CEP83: variants seen among roughly 807,000 people sequenced by gnomAD.
CEP83 encodes the protein centrosomal protein of 83 kDa.
CEP83 carries 70 observed loss-of-function variants against 101.9 expected under a neutral mutation model. That is an observed-to-expected ratio of 0.69 (90% confidence interval 0.57 to 0.84). CEP83 has a LOEUF of 0.84. Among genes scored for constraint, CEP83 ranks in the 40% least tolerant of loss-of-function variants. The pLI, the probability that CEP83 is intolerant of heterozygous loss-of-function variation, is 0.00. For missense variants in CEP83, 715 were observed against 787.2 expected (o/e 0.91, Z 1.10); for synonymous variants, 264 against 267.9 (o/e 0.99, Z 0.14).
intron 14 of CEP83, among the ~76,000 whole-genome samples, chr12:94,317,152 T>A (rs1970839036): frequency 6.6e-6 from 1 of 152,224 alleles, no homozygotes; most frequent in Non-Finnish European, 1.5e-5. Context: ...TGGTTTTGAT[T>A]TGCATTTCTC....
chr12:94,400,892 A>G lies in CEP83; in HGVS notation c.507T>C (p.Tyr169=). Residue 169 remains tyrosine, a synonymous_variant, in exon 6 of 17, where the codon TAT becomes TAC. Coordinates refer to ENST00000397809, the MANE Select transcript of CEP83 (RefSeq NM_016122.3). ...TTTTTCCTTCATCTAAAATACGTGC[A>G]TACTCTTCCTTCTGGTGTTCAAATT... ...KSEFEHQKEE[Y]ARILDEGKIK... 6.6e-7 allele frequency: 1 copy of G among 1,511,384 alleles called. No homozygotes were observed. The highest frequency in any genetic ancestry group is 8.9e-7 in the Non-Finnish European group (1 of 1,127,386). The allele number at this position is 1,511,384 out of a possible 1,614,324, so 93.6% of individuals were successfully genotyped here.
In CEP83 at chr12:94,327,898, C is replaced by G. The variant is rs182619063; in HGVS notation, c.1707+3802G>C. ...AACTTTAGAGTCCACATAAATCACC[C>G]AGGAGTGACTAGTGGGATTATTTAG... On this transcript the variant is annotated intron_variant, in intron 14 of 16. Transcript: ENST00000397809. Among the ~76,000 whole-genome samples, 234 of 152,276 alleles carry G rather than the reference C, an allele frequency of 1.5e-3. 2 individuals carry two copies. The highest frequency in any genetic ancestry group is 1.1e-3 in the Non-Finnish European group (75 of 68,022).
At chr12:94,406,978 T>A (rs2063580554) in intron 4 of CEP83, among the ~76,000 whole-genome samples, 1 of 148,530 alleles carries the variant, frequency 6.7e-6, no homozygotes, top group African/African-American at 2.5e-5. Flanking sequence ...AAACTACAAT[T>A]TCTGAGATGA....
intron 2 of CEP83, among the ~76,000 whole-genome samples, chr12:94,414,121 A>T (rs762836053): frequency 9.2e-5 from 14 of 152,278 alleles, no homozygotes; most frequent in Admixed American, 3.9e-4. Flanking sequence ...CCTCAAGAAC[A>T]CTATACTCCT....
chr12:94,336,337 A>C (rs942601719), intron 11 of CEP83, among the ~76,000 whole-genome samples: 16 of 152,326 alleles, frequency 1.1e-4, no homozygotes, highest in Admixed American at 8.5e-4. Context: ...TACACTAATT[A>C]GGTTTGGCAG....
At chr12:94,340,110 T>C (rs1306298234) in intron 11 of CEP83, among the ~76,000 whole-genome samples, 1 of 152,208 alleles carries the variant, frequency 6.6e-6, no homozygotes, top group East Asian at 1.9e-4. Context: ...TGATGAAATG[T>C]AAACGTTCAT....
intron 14 of CEP83, among the ~76,000 whole-genome samples, chr12:94,314,035 T>A (rs1049112276): frequency 7.9e-5 from 12 of 152,142 alleles, no homozygotes; most frequent in African/African-American, 2.9e-4. Flanking sequence ...AATTCCTAAG[T>A]AAATCTTGTA....
intron 6 of CEP83, among the ~76,000 whole-genome samples, chr12:94,382,360 A>C (rs776751274): frequency 6.7e-6 from 1 of 148,314 alleles, no homozygotes; most frequent in Non-Finnish European, 1.5e-5. Flanking sequence ...TATGTTTATT[A>C]TTTCCCTCCT....
Position 94,375,914 on chromosome 12 carries a change from T to A in CEP83, c.905A>T (p.Glu302Val). The A allele has an allele frequency of 2.6e-6, 4 of 1,510,372 alleles. No homozygotes were observed. Among genetic ancestry groups the A allele is most frequent in the Non-Finnish European group, 1.8e-6 (2 of 1,112,570 alleles). 93.6% of individuals were successfully genotyped at this position (1,510,372 alleles called of 1,614,324 possible). A position where few individuals can be genotyped will look rare whatever the true frequency, so the allele number is the denominator to read the frequency against. The part of the protein sequence containing the change: ...TFLINKLHKA[E>V]REINTLSSKV... ...ACTGGACAATGTATTTATTTCTCGT[T>A]CAGCTTTATGCAATTTATTAATTAA... The change falls in exon 8 of 17, where the codon GAA (glutamate) becomes GTA (valine). Residue 302 changes from glutamate (E) to valine (V), a missense_variant. Glu to Val is a moderately radical substitution (Grantham distance 121). Coordinates refer to ENST00000397809, the MANE Select transcript of CEP83 (RefSeq NM_016122.3).
chr12:94,300,534 G>A, the CEP83 span, among the ~76,000 whole-genome samples: 1 of 152,148 alleles, frequency 6.6e-6, no homozygotes, highest in African/African-American at 2.4e-5. Context: ...GAGCCTCAGA[G>A]GGTTGGAGCA....
At chr12:94,332,476 T>A (rs2059266047) in intron 13 of CEP83, among the ~76,000 whole-genome samples, 1 of 152,220 alleles carries the variant, frequency 6.6e-6, no homozygotes, top group Non-Finnish European at 1.5e-5. Context: ...TAGCTGGAAC[T>A]AAAATCACAT....
chr12:94,317,495 A>G (rs1208954893), intron 14 of CEP83, among the ~76,000 whole-genome samples: 1 of 152,142 alleles, frequency 6.6e-6, no homozygotes, highest in Non-Finnish European at 1.5e-5. Flanking sequence ...GCCAGTTCCT[A>G]TGTCCTGAAT....
At chr12:94,353,257 C>T (rs748481035) in intron 11 of CEP83, among the ~76,000 whole-genome samples, 2 of 152,130 alleles carry the variant, frequency 1.3e-5, no homozygotes, top group Non-Finnish European at 2.9e-5. Context: ...AAACTATCTT[C>T]AGAAATGAAG....
downstream of CEP83, chr12:94,304,128 G>C: frequency 1.1e-6 from 1 of 944,030 alleles, no homozygotes; most frequent in Non-Finnish European, 1.6e-6. Context: ...GTCAGTTTCA[G>C]AACAGCTCTG....
chr12:94,430,125 A>G (rs922025632), intron 2 of CEP83, among the ~76,000 whole-genome samples: 3 of 152,042 alleles, frequency 2.0e-5, no homozygotes, highest in Non-Finnish European at 2.9e-5. Flanking sequence ...AGAGGCCTGG[A>G]GATCACACAA....
At chr12:94,277,679 G>A in the CEP83 span, 1 of 331,850 alleles carries the variant, frequency 3.0e-6, no homozygotes, top group Non-Finnish European at 5.9e-6. Context: ...CAGAGATACT[G>A]AGCATGGAGT....
intron 6 of CEP83, among the ~76,000 whole-genome samples, chr12:94,397,965 G>T (rs757284499): frequency 6.6e-6 from 1 of 152,126 alleles, no homozygotes; most frequent in Non-Finnish European, 1.5e-5. Flanking sequence ...GGTCACCTTC[G>T]AATGGGTAAG....
chr12:94,412,638 G>T, intron 2 of CEP83, 47 bp from the exon 3 acceptor site: 2 of 544,308 alleles, frequency 3.7e-6, no homozygotes, highest in South Asian at 2.8e-5. Flanking sequence ...ATCAGTAAAC[G>T]TAAGCCTCCT....
At chr12:94,396,260 AGTC>A (rs1031968281) in intron 6 of CEP83, among the ~76,000 whole-genome samples, 1 of 149,060 alleles carries the variant, frequency 6.7e-6, no homozygotes, top group Non-Finnish European at 1.5e-5. Flanking sequence ...ATGTTCTTAC[AGTC>A]ACATGAAAAA....
Sources: allele counts gnomAD v4.1 joint callset (sites outside exome capture counted in the v4.1 genomes callset), GRCh38; gene constraint gnomAD v4.1.1; transcripts MANE v1.5; gene names NCBI Gene and HGNC (gene_info 2026-07-23, HGNC 2026-07-21).